The following DNAJC1 variants were observed in gnomAD, a reference collection of about 807,000 sequenced individuals.
DNAJC1 encodes the protein DnaJ heat shock protein family (Hsp40) member C1, also known as dnaJ homolog subfamily C member 1.
DNAJC1 carries 58 observed loss-of-function variants against 76.6 expected under a neutral mutation model. The ratio of observed to expected loss-of-function variants is 0.76; its 90% CI spans 0.61 to 0.94. The LOEUF (loss-of-function observed/expected upper bound fraction) is 0.94. DNAJC1 is among the 40% of genes least tolerant of loss of function. The pLI is 0.00. For synonymous variants in DNAJC1, 258 were observed against 267.9 expected, an observed-to-expected ratio of 0.96 and a Z score of 0.36; for missense variants, 689 against 677.3, an observed-to-expected ratio of 1.02 and a Z score of -0.19.
intron 1 of DNAJC1, among the ~76,000 whole-genome samples, chr10:21,947,353 TCTC>T (rs1837521026): frequency 6.6e-6 from 1 of 152,204 alleles, no homozygotes; most frequent in Admixed American, 6.5e-5. Flanking sequence ...TATGCCTGCC[TCTC>T]CTGACTCCCG....
chr10:21,837,642 C>A (rs549995444), intron 8 of DNAJC1, among the ~76,000 whole-genome samples: 5 of 151,684 alleles, frequency 3.3e-5, no homozygotes, highest in Admixed American at 6.6e-5. Context: ...CGGCAGCCAC[C>A]CTGTCTAGGA....
At chr10:21,973,133 T>C (rs962046008) in intron 1 of DNAJC1, among the ~76,000 whole-genome samples, 2 of 152,170 alleles carry the variant, frequency 1.3e-5, no homozygotes, top group Non-Finnish European at 2.9e-5. Context: ...TGTTATGGGA[T>C]GTGTATTCTG....
At position 21,998,307 on chromosome 10, in the gene DNAJC1, G is replaced by C. The variant is rs905124331; in HGVS notation, c.222+4906C>G. On this transcript the variant is annotated intron_variant, in intron 1 of 11. Transcript: ENST00000376980. ...CGGGAGGCTGAGGCAGGAGAATCGC[G>C]TGAACCCAGGAGGCAGAGGTTGCAA... is the stretch of plus-strand genomic sequence containing the variant. Among the ~76,000 whole-genome samples, 6 of 148,348 alleles carry C rather than the reference G, an allele frequency of 4.0e-5. No individual in the cohort carries two copies. The East Asian group carries it at 1.2e-3, about 30-fold the overall frequency.
chr10:21,811,172 C>T (rs968701340), intron 8 of DNAJC1, among the ~76,000 whole-genome samples: 5 of 152,128 alleles, frequency 3.3e-5, no homozygotes, highest in Admixed American at 3.3e-4. Flanking sequence ...GGTGACCCAC[C>T]GCCTTACACA....
chr10:21,975,696 A>G (rs1229059541), intron 1 of DNAJC1, among the ~76,000 whole-genome samples: 1 of 152,220 alleles, frequency 6.6e-6, no homozygotes, highest in Non-Finnish European at 1.5e-5. Flanking sequence ...ACCAAATGCA[A>G]TTATAAATCA....
At chr10:21,831,208 C>T (rs1403215404) in intron 8 of DNAJC1, among the ~76,000 whole-genome samples, 2 of 152,048 alleles carry the variant, frequency 1.3e-5, no homozygotes, top group African/African-American at 4.8e-5. Context: ...GTCAGGTGCC[C>T]AGAGATTTCA....
At chr10:21,946,704 G>T (rs1837511155) in intron 1 of DNAJC1, among the ~76,000 whole-genome samples, 1 of 152,082 alleles carries the variant, frequency 6.6e-6, no homozygotes, top group South Asian at 2.1e-4. Context: ...CTTATTAAAA[G>T]ATATGTACAA....
chr10:21,866,939 CAAG>C (rs1836010559), intron 8 of DNAJC1, among the ~76,000 whole-genome samples: 1 of 152,020 alleles, frequency 6.6e-6, no homozygotes, highest in African/African-American at 2.4e-5. Flanking sequence ...AAAACAATCA[CAAG>C]AAGAACTAGA....
At chr10:21,817,186 A>G (rs1835091152) in intron 8 of DNAJC1, among the ~76,000 whole-genome samples, 1 of 141,456 alleles carries the variant, frequency 7.1e-6, no homozygotes, top group African/African-American at 2.6e-5. Context: ...AAAAAAAATC[A>G]ATAGACTATG....
intron 8 of DNAJC1, among the ~76,000 whole-genome samples, chr10:21,856,958 A>G (rs1835845077): frequency 6.6e-6 from 1 of 151,956 alleles, no homozygotes; most frequent in South Asian, 2.1e-4. Context: ...CTGGTCTCGA[A>G]CTCCTGATCT....
chr10:21,784,028 C>T (rs1834570439), intron 9 of DNAJC1, among the ~76,000 whole-genome samples: 1 of 152,106 alleles, frequency 6.6e-6, no homozygotes, highest in African/African-American at 2.4e-5. Context: ...AAAGCAATGG[C>T]AACAAAAGCC....
At chr10:21,964,641 A>G (rs533321188) in intron 1 of DNAJC1, among the ~76,000 whole-genome samples, 73 of 151,142 alleles carry the variant, frequency 4.8e-4, no homozygotes, top group Non-Finnish European at 8.7e-4. Flanking sequence ...CAAACTTTGC[A>G]TCTGCTAATC....
chr10:21,832,604 G>A (rs912248931), intron 8 of DNAJC1, among the ~76,000 whole-genome samples: 3 of 151,972 alleles, frequency 2.0e-5, no homozygotes, highest in Non-Finnish European at 4.4e-5. Flanking sequence ...CCAATCAACT[G>A]ATTTCTTGAA....
chr10:21,868,900 A>G (rs1185930078), intron 8 of DNAJC1, among the ~76,000 whole-genome samples: 2 of 152,090 alleles, frequency 1.3e-5, no homozygotes, highest in Non-Finnish European at 2.9e-5. Flanking sequence ...AATGGAGATC[A>G]TAAGACTGAC....
rs114829490 is a variant in DNAJC1, at chr10:22,003,553, C to A, written c.-119G>T. ...TCAGTGAAAAGCGCGGGCAGGCGCACCGGAGCGGCCCGCCAGGTGGCTGGC... is the reference window on the plus strand; with the variant it reads ...TCAGTGAAAAGCGCGGGCAGGCGCAACGGAGCGGCCCGCCAGGTGGCTGGC... On this transcript the variant is annotated 5_prime_UTR_variant, in exon 1 of 12. Coordinates refer to ENST00000376980, the MANE Select transcript of DNAJC1 (RefSeq NM_022365.4). The A allele has an allele frequency of 0.021, 25,113 of 1,186,556 alleles. 466 individuals carry two copies. Among genetic ancestry groups the A allele is most frequent in the African/African-American group, 0.075 (4,713 of 62,606 alleles). The allele number at this position is 1,186,556 out of a possible 1,614,324, so 73.5% of individuals were successfully genotyped here.
chr10:21,845,113 G>A (rs1021060212), intron 8 of DNAJC1, among the ~76,000 whole-genome samples: 3 of 152,138 alleles, frequency 2.0e-5, no homozygotes, highest in South Asian at 2.1e-4. Flanking sequence ...TGGTAGTTAC[G>A]TAGCTATAAC....
At chr10:21,842,013 C>T (rs377113084) in intron 8 of DNAJC1, among the ~76,000 whole-genome samples, 9 of 147,124 alleles carry the variant, frequency 6.1e-5, no homozygotes, top group South Asian at 2.1e-4. Flanking sequence ...AACCAAACAA[C>T]GCATGTTCTC....
intron 9 of DNAJC1, among the ~76,000 whole-genome samples, chr10:21,781,735 A>AG (rs1380129429): frequency 2.0e-5 from 3 of 150,892 alleles, no homozygotes; most frequent in South Asian, 2.1e-4. Flanking sequence ...AAAAAAAAAA[A>AG]AAAGAAACTC....
At chr10:21,976,467 A>T (rs2065648235) in intron 1 of DNAJC1, among the ~76,000 whole-genome samples, 1 of 152,208 alleles carries the variant, frequency 6.6e-6, no homozygotes, top group South Asian at 2.1e-4. Context: ...GAAAGTACCA[A>T]CATCATCCCA....
Sources: gnomAD v4.1 joint callset for allele counts (sites outside exome capture counted in the v4.1 genomes callset) on GRCh38, gnomAD v4.1.1 for gene constraint, MANE v1.5 for transcripts, NCBI Gene and HGNC (gene_info 2026-07-23, HGNC 2026-07-21) for gene names.